Variants in RBBP6 observed in about 807,000 individuals in gnomAD.
The protein encoded by RBBP6 is E3 ubiquitin-protein ligase RBBP6.
In RBBP6, 25 loss-of-function variants were observed where a neutral mutation model predicts 167.7. The ratio of observed to expected loss-of-function variants is 0.15; its 90% CI spans 0.11 to 0.21. The LOEUF (loss-of-function observed/expected upper bound fraction) is 0.21, where lower values mean the gene tolerates loss of function less well. Among genes scored for constraint, RBBP6 ranks in the 10% least tolerant of loss-of-function variants. RBBP6 has a pLI of 1.00. For synonymous variants in RBBP6, 789 were observed against 735.8 expected, an observed-to-expected ratio of 1.07 and a Z score of -1.17; for missense variants, 1,868 against 2,134.2, an observed-to-expected ratio of 0.88 and a Z score of 2.46.
At chr16:24,566,596 C>T (rs919557868) in intron 14 of RBBP6, among the ~76,000 whole-genome samples, 1 of 152,114 alleles carries the variant, frequency 6.6e-6, no homozygotes, top group Non-Finnish European at 1.5e-5. Flanking sequence ...CAAAAATTAG[C>T]TGGGCATGGT....
chr16:24,571,940 C>G lies in RBBP6; in HGVS notation c.4874C>G (p.Ser1625Cys). 1.2e-6 allele frequency: 2 copies of G among 1,613,886 alleles called. No homozygotes were observed. The highest frequency in any genetic ancestry group is 1.7e-6 in the Non-Finnish European group (2 of 1,179,944). ...KPQLSHSSRLSSDLTRETDEA... is the reference protein window; with the variant it reads ...KPQLSHSSRLCSDLTRETDEA... ...CAGTTAAGTCATTCCTCTAGACTTT[C>G]CTCTGACTTAACTAGAGAAACTGAT... Residue 1625 changes from serine to cysteine, a missense_variant, in exon 18 of 18, where the codon TCC (serine) becomes TGC (cysteine). By Grantham distance (112) the Ser-to-Cys change is moderately radical. This residue lies in a region of RBBP6 where 591 missense variants were observed against 540.5 expected (regional missense o/e 1.09). Transcript: ENST00000319715.
At chr16:24,560,111 GTT>G (rs1555472777) in intron 8 of RBBP6, among the ~76,000 whole-genome samples, 9 of 73,998 alleles carry the variant, frequency 1.2e-4, no homozygotes, top group African/African-American at 2.0e-4. Context: ...GACAGTTTTT[GTT>G]TTTTTTTTTT....
intron 1 of RBBP6, among the ~76,000 whole-genome samples, chr16:24,541,205 C>A (rs3760101): frequency 0.02 from 1,567 of 78,484 alleles, 113 homozygotes; most frequent in Admixed American, 0.027. Context: ...AAAAAAAAAC[C>A]AAAAAAACAA....
intron 14 of RBBP6, 41 bp downstream of exon 14, chr16:24,564,906 T>G: frequency 6.4e-7 from 1 of 1,573,384 alleles, no homozygotes; most frequent in Non-Finnish European, 8.6e-7. Flanking sequence ...CATCTTATTT[T>G]TTATATATAT....
chr16:24,545,667 T>G (rs958960590), intron 1 of RBBP6, among the ~76,000 whole-genome samples: 2 of 152,224 alleles, frequency 1.3e-5, no homozygotes, highest in African/African-American at 4.8e-5. Flanking sequence ...GAATCAACAT[T>G]CTATCTGAAG....
intron 1 of RBBP6, among the ~76,000 whole-genome samples, chr16:24,541,813 C>A (rs758779489): frequency 9.2e-5 from 14 of 152,272 alleles, no homozygotes; most frequent in Non-Finnish European, 1.8e-4. Context: ...AGTGAAGTTA[C>A]AATTAGGTTA....
In RBBP6 at chr16:24,559,505, A is replaced by G; in HGVS notation, c.675A>G (p.Ala225=). ...TGKYAIPTID[A]EAYAIGKKEK... is the part of the protein sequence containing the mutation. ...AAAACATGAAAACTTTCTTTTACAG[A>G]GAAGCATATGCAATTGGGAAGAAAG... Residue 225 remains alanine (A), a splice_region_variant and synonymous_variant, in exon 8 of 18, where the codon GCA becomes GCG. Transcript: ENST00000319715. 2 of 1,592,380 alleles carry G rather than the reference A, an allele frequency of 1.3e-6. No homozygotes were observed. Among genetic ancestry groups the G allele is most frequent in the Non-Finnish European group, 8.5e-7 (1 of 1,171,366 alleles).
chr16:24,546,102 A>G (rs1414506802), intron 1 of RBBP6, 61 bp from the exon 2 acceptor site: 3 of 1,493,168 alleles, frequency 2.0e-6, no homozygotes, highest in African/African-American at 1.5e-5. Context: ...GAAGTTTTCT[A>G]ATTCTTGGTT....
intron 14 of RBBP6, among the ~76,000 whole-genome samples, chr16:24,565,786 G>A (rs1173990973): frequency 1.3e-5 from 2 of 152,142 alleles, no homozygotes; most frequent in Non-Finnish European, 2.9e-5. Context: ...AAGAGTTTTG[G>A]CCAGGCATAA....
chr16:24,548,908 AGC>A (rs745415572), intron 2 of RBBP6, 35 bp from the exon 3 acceptor site: 19 of 1,516,676 alleles, frequency 1.3e-5, no homozygotes, highest in Non-Finnish European at 1.7e-5. Flanking sequence ...ATTCATAAAT[AGC>A]TAATGTTAAT....
chr16:24,558,103 T>A (rs1244733386), intron 7 of RBBP6, among the ~76,000 whole-genome samples: 1 of 152,104 alleles, frequency 6.6e-6, no homozygotes. Context: ...ACAGACACAA[T>A]TAAGAGCAGA....
At chr16:24,568,513 G>A (rs1350449666) in intron 16 of RBBP6, among the ~76,000 whole-genome samples, 1 of 152,160 alleles carries the variant, frequency 6.6e-6, no homozygotes, top group African/African-American at 2.4e-5. Flanking sequence ...GTACATTAAT[G>A]CACTTCACTC....
At position 24,539,821 on chromosome 16, in the gene RBBP6, G is replaced by T. The variant is rs1414704457; in HGVS notation, c.-806G>T. The T allele has an allele frequency of 6.6e-6, 1 of 152,232 alleles. No homozygotes were observed. Among genetic ancestry groups the T allele is most frequent in the Non-Finnish European group, 1.5e-5 (1 of 68,038 alleles). The allele number at this position is 152,232 out of a possible 1,614,324, so 9.4% of individuals were successfully genotyped here. On this transcript the variant is annotated 5_prime_UTR_variant, in exon 1 of 18. Coordinates refer to ENST00000319715, the MANE Select transcript of RBBP6 (RefSeq NM_006910.5). ...TCAGGGAGCCTCGGCGGTGTCCCCG[G>T]GGTCCGCCGAAGCCACCCGGCCGCC...
chr16:24,551,619 C>A (rs1234443999), intron 3 of RBBP6, among the ~76,000 whole-genome samples: 6 of 151,446 alleles, frequency 4.0e-5, no homozygotes. Context: ...TAAAAGCACA[C>A]AAAAGCCCAG....
Position 24,546,262 on chromosome 16 carries a change from T to C in RBBP6, c.266T>C (p.Ile89Thr). The change falls in exon 2 of 18, where the codon ATA becomes ACA. Residue 89 changes from isoleucine to threonine, a missense_variant and splice_region_variant. Ile to Thr is a moderately conservative substitution (Grantham distance 89, BLOSUM62 -1). Transcript: ENST00000319715. ...GVKSTSKTYV[I>T]SRTEPAMATT... ...AAATCTACAAGCAAGACATATGTTA[T>C]GTAAGTATCAAATCTCATGTATTTC... 1 of 1,561,316 alleles carries C rather than the reference T, an allele frequency of 6.4e-7. No individual in the cohort carries two copies. The highest frequency in any genetic ancestry group is 8.6e-7 in the Non-Finnish European group (1 of 1,163,404).
rs1192718061 is a variant in RBBP6, at chr16:24,556,102, A to C, written c.534+185A>C. 2.0e-5 allele frequency among the ~76,000 whole-genome samples: 3 copies of C among 152,214 alleles called. No homozygotes were observed. In the East Asian group the frequency reaches 5.8e-4, roughly 29 times the overall value. ...GCACTTGGCTGAGTTTGGGCAAGTT[A>C]CTTGATCTCTATAAGCCTGTTTTTT... On this transcript the variant is annotated intron_variant, in intron 6 of 17. Coordinates refer to ENST00000319715, the MANE Select transcript of RBBP6 (RefSeq NM_006910.5).
chr16:24,567,728 T>C (rs1899229622), intron 15 of RBBP6, 64 bp from the exon 16 acceptor site: 2 of 1,408,050 alleles, frequency 1.4e-6, no homozygotes, highest in Non-Finnish European at 2.0e-6. Context: ...TCTAATTACA[T>C]TTGTCTTGTT....
rs776342237 is a variant in RBBP6, at chr16:24,568,821, C to G, written c.2131C>G (p.Arg711Gly). The G allele has an allele frequency of 6.2e-7, 1 of 1,614,196 alleles. No homozygotes were observed. The highest frequency in any genetic ancestry group is 2.2e-5 in the East Asian group (1 of 44,878). ...TYSKSRSGSTRSRSYSRSFSR... is the reference protein window; with the variant it reads ...TYSKSRSGSTGSRSYSRSFSR... ...TTCTAAATCAAGATCTGGTTCAACA[C>G]GTTCACGCTCTTATTCTCGATCATT... Residue 711 changes from arginine to glycine, a missense_variant, in exon 17 of 18, where the codon CGT becomes GGT. By Grantham distance (125) the Arg-to-Gly change is moderately radical. Coordinates refer to ENST00000319715, the MANE Select transcript of RBBP6 (RefSeq NM_006910.5).
chr16:24,546,872 A>G (rs893858414), intron 2 of RBBP6, among the ~76,000 whole-genome samples: 1 of 152,200 alleles, frequency 6.6e-6, no homozygotes, highest in Non-Finnish European at 1.5e-5. Flanking sequence ...GAGGGTTGTA[A>G]GAATTAAATA....
Sources: gnomAD v4.1 joint callset for allele counts (sites outside exome capture counted in the v4.1 genomes callset) on GRCh38, gnomAD v4.1.1 for gene constraint, gnomAD v4.1.1 regional missense constraint, MANE v1.5 for transcripts, NCBI Gene and HGNC (gene_info 2026-07-23, HGNC 2026-07-21) for gene names.